The following IL1RAPL2 variants were observed in gnomAD, a reference collection of about 807,000 sequenced individuals.
IL1RAPL2 encodes the protein interleukin 1 receptor accessory protein like 2.
Under a neutral mutation model 44.1 loss-of-function variants are expected in IL1RAPL2, and 3 were observed. That is an observed-to-expected ratio of 0.07 (90% CI 0.03 to 0.18). The LOEUF (loss-of-function observed/expected upper bound fraction) is 0.18, where lower values mean the gene tolerates loss of function less well. IL1RAPL2 is among the 10% of genes least tolerant of loss of function. IL1RAPL2 has a pLI of 1.00. For missense variants in IL1RAPL2, 391 were observed against 496.4 expected (o/e 0.79, Z 2.02); for synonymous variants, 181 against 178.8 (o/e 1.01, Z -0.10).
At chrX:104,592,779 T>C (rs2147997411) in intron 1 of IL1RAPL2, among the ~76,000 whole-genome samples, 1 of 112,230 alleles carries the variant, frequency 8.9e-6, no homozygotes, top group African/African-American at 3.2e-5. Context: ...GTAAGAAACA[T>C]AGCCGGTTCC....
At chrX:104,979,405 T>C (rs988263038) in intron 2 of IL1RAPL2, among the ~76,000 whole-genome samples, 5 of 111,095 alleles carry the variant, frequency 4.5e-5, no homozygotes, top group Non-Finnish European at 1.9e-5. Flanking sequence ...ATACCTGAGA[T>C]GCAAACTCTA....
rs188966939 is a variant in IL1RAPL2, at chrX:105,020,293, G to C, written c.83-175182G>C. 6.3e-3 allele frequency among the ~76,000 whole-genome samples: 699 copies of C among 111,526 alleles called. 8 individuals carry two copies. The highest frequency in any genetic ancestry group is 0.022 in the African/African-American group (671 of 30,725). On this transcript the variant is annotated intron_variant, in intron 2 of 10. Transcript: ENST00000372582. Reference sequence around the variant, plus strand: ...TATCACTGGGCCCGACCTAGGCAGTGTCTTAACCTCGTTAAAACTTAATTT... The same window carrying C: ...TATCACTGGGCCCGACCTAGGCAGTCTCTTAACCTCGTTAAAACTTAATTT...
At chrX:104,681,055 T>C (rs1035756332) in intron 2 of IL1RAPL2, among the ~76,000 whole-genome samples, 1 of 111,905 alleles carries the variant, frequency 8.9e-6, no homozygotes, top group Non-Finnish European at 1.9e-5. Flanking sequence ...GCAAAAAATA[T>C]ACTTTTAAAG....
chrX:105,419,970 C>A (rs1027169680), intron 5 of IL1RAPL2, among the ~76,000 whole-genome samples: 4 of 110,475 alleles, frequency 3.6e-5, no homozygotes, highest in Non-Finnish European at 7.6e-5. Context: ...GTTACAAATG[C>A]GTATTTGTTA....
chrX:104,835,083 G>C (rs1181568540), intron 2 of IL1RAPL2, among the ~76,000 whole-genome samples: 1 of 111,820 alleles, frequency 8.9e-6, no homozygotes, highest in African/African-American at 3.2e-5. Flanking sequence ...GATCACATTA[G>C]CTTTATCTTA....
intron 6 of IL1RAPL2, among the ~76,000 whole-genome samples, chrX:105,488,186 C>G (rs1040120744): frequency 2.7e-4 from 30 of 111,771 alleles, no homozygotes; most frequent in African/African-American, 9.1e-4. Context: ...CTGGGTTGGC[C>G]GTCGGGACAC....
intron 2 of IL1RAPL2, among the ~76,000 whole-genome samples, chrX:104,721,516 T>G (rs184435656): frequency 2.6e-4 from 28 of 109,699 alleles, no homozygotes; most frequent in African/African-American, 9.3e-4. Flanking sequence ...ACAACACACA[T>G]TGGGGCCTCT....
chrX:105,184,105 A>G (rs2147606851), intron 2 of IL1RAPL2, among the ~76,000 whole-genome samples: 1 of 111,832 alleles, frequency 8.9e-6, no homozygotes, highest in South Asian at 3.7e-4. Context: ...CCCTTCCCCC[A>G]CATTGGAGAG....
intron 5 of IL1RAPL2, among the ~76,000 whole-genome samples, chrX:105,328,690 G>A (rs1267869295): frequency 8.9e-6 from 1 of 111,738 alleles, no homozygotes; most frequent in African/African-American, 3.2e-5. Flanking sequence ...CAACATTTTG[G>A]ACAAGGATGG....
intron 2 of IL1RAPL2, among the ~76,000 whole-genome samples, chrX:104,659,288 A>T (rs1427382873): frequency 1.8e-5 from 2 of 111,970 alleles, no homozygotes; most frequent in Non-Finnish European, 3.8e-5. Context: ...ACCTGGGAGC[A>T]AACATTTACA....
At chrX:105,050,041 T>G (rs769459230) in intron 2 of IL1RAPL2, among the ~76,000 whole-genome samples, 2 of 112,344 alleles carry the variant, frequency 1.8e-5, no homozygotes, top group Non-Finnish European at 3.8e-5. Context: ...CAAATAATAA[T>G]TATAAAGAAT....
intron 2 of IL1RAPL2, among the ~76,000 whole-genome samples, chrX:105,054,804 A>G (rs1172686896): frequency 8.9e-6 from 1 of 111,802 alleles, no homozygotes; most frequent in African/African-American, 3.3e-5. Flanking sequence ...TTTAGCCTAA[A>G]TTGTCTGGCT....
At chrX:105,289,801 G>A (rs996465964) in intron 5 of IL1RAPL2, among the ~76,000 whole-genome samples, 5 of 111,252 alleles carry the variant, frequency 4.5e-5, no homozygotes, top group East Asian at 2.8e-4. Context: ...ATATGGGAGC[G>A]AACAGCATGT....
At chrX:104,950,733 G>A (rs1200853765) in intron 2 of IL1RAPL2, among the ~76,000 whole-genome samples, 2 of 109,349 alleles carry the variant, frequency 1.8e-5, no homozygotes, top group African/African-American at 6.6e-5. Context: ...TTTTGAGACG[G>A]AGTCTCGCTG....
chrX:105,670,887 G>A (rs1427364806), intron 6 of IL1RAPL2, among the ~76,000 whole-genome samples: 1 of 106,787 alleles, frequency 9.4e-6, no homozygotes, highest in Non-Finnish European at 1.9e-5. Flanking sequence ...GTGTGTGTGT[G>A]CGTGTATATA....
chrX:105,635,046 G>A (rs781109970), intron 6 of IL1RAPL2, among the ~76,000 whole-genome samples: 2 of 111,611 alleles, frequency 1.8e-5, no homozygotes, highest in Non-Finnish European at 3.8e-5. Context: ...GGTCTTTGAA[G>A]AATGTGTTGG....
chrX:104,818,237 G>A (rs980997880), intron 2 of IL1RAPL2, among the ~76,000 whole-genome samples: 2 of 105,405 alleles, frequency 1.9e-5, no homozygotes, highest in South Asian at 4.5e-4. Flanking sequence ...CCAGCTACTC[G>A]GGAGGCTGAG....
chrX:105,476,969 A>G (rs1333624540), intron 5 of IL1RAPL2, among the ~76,000 whole-genome samples: 4 of 112,134 alleles, frequency 3.6e-5, no homozygotes, highest in African/African-American at 1.3e-4. Context: ...AATGGACTAA[A>G]GTCTTTCATT....
rs186798924 is a variant in IL1RAPL2, at chrX:105,673,782, C to T, written c.773-43585C>T. On this transcript the variant is annotated intron_variant, in intron 6 of 10. Transcript: ENST00000372582. ...ATGGTTGAACTAATTTACATTCCCACCAACAGTGTAAAAGTGTTCCTCTTT... is the reference window on the plus strand; with the variant it reads ...ATGGTTGAACTAATTTACATTCCCATCAACAGTGTAAAAGTGTTCCTCTTT... 4.4e-3 allele frequency among the ~76,000 whole-genome samples: 498 copies of T among 112,202 alleles called. 3 individuals carry two copies. Among genetic ancestry groups the T allele is most frequent in the African/African-American group, 0.015 (457 of 30,871 alleles).
Sources: gnomAD v4.1 joint callset for allele counts (sites outside exome capture counted in the v4.1 genomes callset) on GRCh38, gnomAD v4.1.1 for gene constraint, MANE v1.5 for transcripts, NCBI Gene and HGNC (gene_info 2026-07-23, HGNC 2026-07-21) for gene names.